Variants in CHD1 observed in about 807,000 individuals in gnomAD.
The protein encoded by CHD1 is chromodomain helicase DNA binding protein 1, also known as ATP-dependent chromatin remodeler CHD1.
A neutral mutation model predicts 224.2 loss-of-function variants in CHD1; 36 were observed. That is an observed-to-expected ratio of 0.16 (90% CI 0.12 to 0.21). The LOEUF is 0.21. CHD1 is among the 10% of genes least tolerant of loss of function. The pLI is 1.00. For synonymous variants in CHD1, 668 were observed against 658.3 expected, an observed-to-expected ratio of 1.01 and a Z score of -0.23; for missense variants, 1,378 against 1,994.8, an observed-to-expected ratio of 0.69 and a Z score of 5.89.
At chr5:98,856,774 G>A in intron 35 of CHD1, 49 bp from the exon 36 acceptor site, 2 of 1,190,650 alleles carry the variant, frequency 1.7e-6, no homozygotes, top group Admixed American at 2.3e-5. Flanking sequence ...AAATTAAAAT[G>A]TTTCCAAATA....
chr5:98,903,095 GTTTTA>G (rs1484952883), intron 4 of CHD1, 131 bp from the exon 5 acceptor site: 1 of 502,048 alleles, frequency 2.0e-6, no homozygotes, highest in African/African-American at 2.0e-5. Context: ...TTTCAATGTA[GTTTTA>G]TTTATGTTAA....
In CHD1 at chr5:98,897,269, T is replaced by C. The variant is rs778388326; in HGVS notation, c.1417A>G (p.Ile473Val). 6.2e-6 allele frequency: 10 copies of C among 1,611,578 alleles called. No homozygotes were observed. In the East Asian group the frequency reaches 1.3e-4, roughly 22 times the overall value. ...FVALKKQPSYIGGHEGLELRD... is the reference protein window; with the variant it reads ...FVALKKQPSYVGGHEGLELRD... ...AATTCTAAGCCCTCATGTCCTCCAA[T>C]ATAGGATGGCTGCTTCTTCAGGGCT... The change falls in exon 11 of 36, where the codon ATT becomes GTT. Residue 473 changes from isoleucine (I) to valine (V), a missense_variant. Physicochemically the swap from Ile to Val is conservative, Grantham distance 29. This residue lies in a region of CHD1 where 86 missense variants were observed against 97.7 expected (regional missense o/e 0.88). Transcript: ENST00000614616.
At chr5:98,925,727 C>T (rs1405663498) in intron 2 of CHD1, among the ~76,000 whole-genome samples, 2 of 152,032 alleles carry the variant, frequency 1.3e-5, no homozygotes, top group Non-Finnish European at 2.9e-5. Context: ...AAAAGGGCCA[C>T]AGTAATATTT....
intron 2 of CHD1, among the ~76,000 whole-genome samples, chr5:98,912,144 C>G (rs1430925920): frequency 6.6e-6 from 1 of 151,952 alleles, no homozygotes; most frequent in Non-Finnish European, 1.5e-5. Context: ...TTATTAACAT[C>G]CAAGATTGTG....
intron 18 of CHD1, among the ~76,000 whole-genome samples, chr5:98,885,299 G>A (rs1014065705): frequency 6.6e-6 from 1 of 152,148 alleles, no homozygotes; most frequent in African/African-American, 2.4e-5. Flanking sequence ...GGCTGAGGCA[G>A]GAGAATAGCT....
intron 31 of CHD1, among the ~76,000 whole-genome samples, chr5:98,866,455 C>T (rs191061418): frequency 5.4e-4 from 82 of 152,126 alleles, no homozygotes; most frequent in Middle Eastern, 6.8e-3. Context: ...TGTCTAGTCA[C>T]GGTGCAAAAG....
In CHD1 at chr5:98,856,186, G is replaced by A; in HGVS notation, c.*194C>T. The A allele has an allele frequency of 1.8e-6, 1 of 540,988 alleles. No individual in the cohort carries two copies. The highest frequency in any genetic ancestry group is 3.0e-5 in the East Asian group (1 of 33,032). 33.5% of individuals were successfully genotyped at this position (540,988 alleles called of 1,614,324 possible). ...AAGTACTACAATTTTGTAGTACAGT[G>A]CAGCATAATCCTTAAATATAAAAAT... is the stretch of plus-strand genomic sequence containing the variant. On this transcript the variant is annotated 3_prime_UTR_variant, in exon 36 of 36. Coordinates refer to ENST00000614616, the MANE Select transcript of CHD1 (RefSeq NM_001270.4).
At position 98,896,421 on chromosome 5, in the gene CHD1, A is replaced by G; in HGVS notation, c.1515T>C (p.Ala505=). 6.2e-7 allele frequency: 1 copy of G among 1,613,524 alleles called. No homozygotes were observed. Among genetic ancestry groups the G allele is most frequent in the South Asian group, 1.1e-5 (1 of 91,062 alleles). ...SWCKGNSCIL[A]DEMGLGKTIQ... is the part of the protein sequence containing the mutation. ...TTGTTTTTCCAAGGCCCATTTCATC[A>G]GCGAGTATGCAACTATTTCCTCTAC... is the stretch of plus-strand genomic sequence containing the variant. Residue 505 remains alanine, a synonymous_variant, in exon 12 of 36, where the codon GCT becomes GCC. Transcript: ENST00000614616.
chr5:98,873,547 A>G, intron 26 of CHD1, 46 bp downstream of exon 26: 1 of 1,450,418 alleles, frequency 6.9e-7, no homozygotes, highest in East Asian at 2.5e-5. Context: ...CATATTTTGA[A>G]GCTTTCATTT....
At chr5:98,872,714 G>A (rs536062004) in intron 26 of CHD1, among the ~76,000 whole-genome samples, 159 bp from the exon 27 acceptor site, 1 of 152,102 alleles carries the variant, frequency 6.6e-6, no homozygotes, top group South Asian at 2.1e-4. Context: ...CATTACATAT[G>A]AACAAGTGAT....
intron 18 of CHD1, among the ~76,000 whole-genome samples, chr5:98,884,894 TTTTA>T (rs1216360162): frequency 6.6e-6 from 1 of 151,918 alleles, no homozygotes; most frequent in Middle Eastern, 3.4e-3. Flanking sequence ...TTTTTTTACT[TTTTA>T]TTTTTATTTT....
chr5:98,905,412 A>T (rs1030501312), intron 2 of CHD1, among the ~76,000 whole-genome samples: 1 of 152,192 alleles, frequency 6.6e-6, no homozygotes, highest in African/African-American at 2.4e-5. Flanking sequence ...CTAAGTACAA[A>T]ATCCTGGGTT....
intron 30 of CHD1, chr5:98,869,492 T>C (rs1749149499): frequency 2.8e-6 from 1 of 361,568 alleles, no homozygotes; most frequent in Admixed American, 4.8e-5. Context: ...GCTCATCAAA[T>C]TGGCAAATGT....
chr5:98,885,249 G>A (rs779803994), intron 18 of CHD1, among the ~76,000 whole-genome samples: 2 of 152,046 alleles, frequency 1.3e-5, no homozygotes, highest in African/African-American at 2.4e-5. Flanking sequence ...AAAACTAGCT[G>A]GGCACAGTGG....
intron 2 of CHD1, among the ~76,000 whole-genome samples, chr5:98,913,933 T>A (rs58917520): frequency 0.07 from 10,636 of 151,862 alleles, 471 homozygotes; most frequent in African/African-American, 0.12. Flanking sequence ...GTTTTTTTTT[T>A]AAAAAATTCC....
intron 2 of CHD1, among the ~76,000 whole-genome samples, chr5:98,917,299 C>CAAAA (rs70984334): frequency 4.2e-5 from 5 of 119,832 alleles, no homozygotes; most frequent in Admixed American, 1.6e-4. Flanking sequence ...AACAAAGAAA[C>CAAAA]AAAAAAAAAA....
At position 98,875,056 on chromosome 5, in the gene CHD1, T is replaced by C. The variant is rs1377562123; in HGVS notation, c.3440+16A>G. ...AACACATTCCATTATTCTATGAGAA[T>C]AATAAACGTATTTACCTTTCCAGAG... On this transcript the variant is annotated intron_variant, in intron 25 of 35. Coordinates refer to ENST00000614616, the MANE Select transcript of CHD1 (RefSeq NM_001270.4). 7.8e-7 allele frequency: 1 copy of C among 1,277,184 alleles called. No homozygotes were observed. Among genetic ancestry groups the C allele is most frequent in the South Asian group, 1.3e-5 (1 of 79,906 alleles). 79.1% of individuals were successfully genotyped at this position (1,277,184 alleles called of 1,614,324 possible).
At chr5:98,902,619 G>C (rs1580475168) in intron 5 of CHD1, among the ~76,000 whole-genome samples, 1 of 152,002 alleles carries the variant, frequency 6.6e-6, no homozygotes, top group Non-Finnish European at 1.5e-5. Context: ...AAGTTATTAA[G>C]ATTTTCTGAT....
At chr5:98,900,727 C>T in intron 7 of CHD1, 84 bp downstream of exon 7, 1 of 1,224,480 alleles carries the variant, frequency 8.2e-7, no homozygotes, top group Non-Finnish European at 1.1e-6. Context: ...ACTGGGATTA[C>T]AGGGGCGACC....
Sources: allele counts gnomAD v4.1 joint callset (sites outside exome capture counted in the v4.1 genomes callset), GRCh38; gene constraint gnomAD v4.1.1; regional missense constraint gnomAD v4.1.1; transcripts MANE v1.5; gene names NCBI Gene and HGNC (gene_info 2026-07-23, HGNC 2026-07-21).